PARD6G: variants seen among roughly 807,000 people sequenced by gnomAD.
PARD6G encodes par-6 family cell polarity regulator gamma.
PARD6G carries 7 observed loss-of-function variants against 10.7 expected under a neutral mutation model. The observed-to-expected ratio is 0.66, with a 90% CI of 0.37 to 1.23. The LOEUF is 1.23. Among genes scored for constraint, PARD6G ranks in the 50% most tolerant of loss-of-function variants. The probability of loss-of-function intolerance (pLI) is 0.02; values close to 1 mark genes in which losing one functional copy is unlikely to be tolerated. For synonymous variants in PARD6G, 287 were observed against 269.4 expected (o/e 1.07, Z -0.64); for missense variants, 548 against 571.8 (o/e 0.96, Z 0.42).
intron 1 of PARD6G, among the ~76,000 whole-genome samples, chr18:80,243,972 C>T (rs760457351): frequency 6.6e-5 from 10 of 152,160 alleles, no homozygotes; most frequent in Non-Finnish European, 1.0e-4. Context: ...TTTTCAAGCT[C>T]ATGCGGACGA....
At chr18:80,234,176 C>T (rs1051484676) in intron 1 of PARD6G, among the ~76,000 whole-genome samples, 11 of 152,062 alleles carry the variant, frequency 7.2e-5, no homozygotes, top group Admixed American at 6.6e-4. Context: ...CACAAAGGGC[C>T]CCAGCACAGC....
In PARD6G at chr18:80,160,534, T is replaced by G. The variant is rs1387160214; in HGVS notation, c.368A>C (p.Asp123Ala). The G allele has an allele frequency of 1.3e-6, 2 of 1,507,564 alleles. No homozygotes were observed. Among genetic ancestry groups the G allele is most frequent in the Admixed American group, 4.4e-5 (2 of 45,356 alleles). The allele number at this position is 1,507,564 out of a possible 1,614,324, so 93.4% of individuals were successfully genotyped here. A position where few individuals can be genotyped will look rare whatever the true frequency, so the allele number is the denominator to read the frequency against. The change falls in exon 3 of 3, where the codon GAT becomes GCT. Residue 123 changes from aspartate (D) to alanine (A), a missense_variant. This residue lies in a region of PARD6G where 235 missense variants were observed against 291.9 expected (regional missense o/e 0.81). Transcript: ENST00000353265. ...GTGTGCACGCCGCCGGGGTCCTTCA[T>G]CACGCAGCGCGCCCAGCGCCCGCCT... ...RRRRALGALRDEGPRRRAHLD... is the reference protein window; with the variant it reads ...RRRRALGALRAEGPRRRAHLD...
intron 1 of PARD6G, among the ~76,000 whole-genome samples, chr18:80,221,559 C>T (rs1056456301): frequency 6.6e-6 from 1 of 152,140 alleles, no homozygotes; most frequent in Non-Finnish European, 1.5e-5. Context: ...CTTCTTCATC[C>T]TACATAGAGA....
chr18:80,159,901 C>A lies in PARD6G; in HGVS notation c.1001G>T (p.Arg334Leu). 2.0e-6 allele frequency: 3 copies of A among 1,514,150 alleles called. No homozygotes were observed. Among genetic ancestry groups the A allele is most frequent in the Non-Finnish European group, 2.6e-6 (3 of 1,137,650 alleles). The allele number at this position is 1,514,150 out of a possible 1,614,324, so 93.8% of individuals were successfully genotyped here. A position where few individuals can be genotyped will look rare whatever the true frequency, so the allele number is the denominator to read the frequency against. ...SRVNGAGLAQ[R>L]LQRDLALDGG... ...GTCCAGGGCCAGGTCCCGCTGCAGC[C>A]GCTGCGCCAGGCCCGCGCCATTGAC... The change falls in exon 3 of 3, where the codon CGG becomes CTG. Residue 334 changes from arginine to leucine, a missense_variant. Physicochemically the swap from Arg to Leu is moderately radical, Grantham distance 102. This residue lies in a region of PARD6G where 313 missense variants were observed against 279.9 expected (regional missense o/e 1.12). Transcript: ENST00000353265.
Position 80,231,429 on chromosome 18 carries a change from G to T in PARD6G, c.72+15848C>A, listed in dbSNP as rs1967356388. On this transcript the variant is annotated intron_variant, in intron 1 of 2. Transcript: ENST00000353265. The surrounding 1 kb of genome is among the most constrained non-coding windows in gnomAD (Gnocchi z 4.2). ...AGGAATTAGGCAGTTCTGCATCCGA[G>T]CTGTGCTGCCCACTGGGAGCGGCTG... 6.6e-6 allele frequency among the ~76,000 whole-genome samples: 1 copy of T among 152,180 alleles called. No individual in the cohort carries two copies. Among genetic ancestry groups the T allele is most frequent in the Admixed American group, 6.5e-5 (1 of 15,282 alleles).
At chr18:80,211,520 A>G (rs926538784) in intron 1 of PARD6G, among the ~76,000 whole-genome samples, 1 of 152,258 alleles carries the variant, frequency 6.6e-6, no homozygotes, top group African/African-American at 2.4e-5. Context: ...TAAAAACATT[A>G]CAAATAGAAT....
chr18:80,230,804 C>T (rs1967349890), intron 1 of PARD6G, among the ~76,000 whole-genome samples: 1 of 152,168 alleles, frequency 6.6e-6, no homozygotes, highest in Admixed American at 6.5e-5. Context: ...AAGGGATTTA[C>T]CATACAGGAG....
intron 1 of PARD6G, among the ~76,000 whole-genome samples, chr18:80,242,946 T>C (rs1225428006): frequency 6.6e-6 from 1 of 152,056 alleles, no homozygotes; most frequent in African/African-American, 2.4e-5. Flanking sequence ...TGAATAGATA[T>C]GAAACAGCAT....
In PARD6G at chr18:80,180,897, C is replaced by A. The variant is rs1190527391; in HGVS notation, c.296-20291G>T. ...TGGGGGGAAGCTCCTGGTATCTAGACAGCAGAGGCCGGGGCACCGATAGCT... is the reference window on the plus strand; with the variant it reads ...TGGGGGGAAGCTCCTGGTATCTAGAAAGCAGAGGCCGGGGCACCGATAGCT... On this transcript the variant is annotated intron_variant, in intron 2 of 2. Transcript: ENST00000353265. The surrounding 1 kb of genome is among the most constrained non-coding windows in gnomAD (Gnocchi z 5.6). 2.0e-5 allele frequency among the ~76,000 whole-genome samples: 3 copies of A among 152,178 alleles called. No individual in the cohort carries two copies. Among genetic ancestry groups the A allele is most frequent in the African/African-American group, 7.2e-5 (3 of 41,440 alleles).
chr18:80,192,792 C>T lies in PARD6G; in HGVS notation c.295+9918G>A, dbSNP rs983494083. ...CATTATCTCCTCCTCACAGTCCCCACGCTGTGGGCAGGGACCCTCCTGGCT... is the reference window on the plus strand; with the variant it reads ...CATTATCTCCTCCTCACAGTCCCCATGCTGTGGGCAGGGACCCTCCTGGCT... On this transcript the variant is annotated intron_variant, in intron 2 of 2. Coordinates refer to ENST00000353265, the MANE Select transcript of PARD6G (RefSeq NM_032510.4). This position sits in a 1 kb window ranked among gnomAD's most constrained non-coding sequence, Gnocchi z 4.9. Among the ~76,000 whole-genome samples, 1 of 152,154 alleles carries T rather than the reference C, an allele frequency of 6.6e-6. No individual in the cohort carries two copies. Among genetic ancestry groups the T allele is most frequent in the Non-Finnish European group, 1.5e-5 (1 of 68,030 alleles).
In PARD6G at chr18:80,177,243, C is replaced by CACACACAG. The variant is rs1183342120; in HGVS notation, c.296-16638_296-16637insCTGTGTGT. ...GCACACACACACACACACACACACA[C>CACACACAG]ACAGTACAAATCACAGCCCAAATGG... On this transcript the variant is annotated intron_variant, in intron 2 of 2. Coordinates refer to ENST00000353265, the MANE Select transcript of PARD6G (RefSeq NM_032510.4). 1.3e-4 allele frequency among the ~76,000 whole-genome samples: 19 copies of CACACACAG among 147,432 alleles called. 2 individuals are homozygous for CACACACAG. The East Asian group carries it at 3.9e-3, about 30-fold the overall frequency.
intron 1 of PARD6G, among the ~76,000 whole-genome samples, chr18:80,235,640 C>A (rs549400576): frequency 6.6e-6 from 1 of 152,180 alleles, no homozygotes; most frequent in East Asian, 1.9e-4. Context: ...AGAGAAGAAT[C>A]AAATAGAAGC....
intron 2 of PARD6G, among the ~76,000 whole-genome samples, chr18:80,174,917 C>T (rs562253051): frequency 1.8e-4 from 28 of 152,170 alleles, no homozygotes; most frequent in African/African-American, 6.7e-4. Flanking sequence ...CCACTGCACT[C>T]CAGCCTGGGC....
chr18:80,161,495 C>T lies in PARD6G; in HGVS notation c.296-889G>A, dbSNP rs538767509. Among the ~76,000 whole-genome samples the T allele has an allele frequency of 6.6e-6, 1 of 152,144 alleles. No homozygotes were observed. The highest frequency in any genetic ancestry group is 1.9e-4 in the East Asian group (1 of 5,186). On this transcript the variant is annotated intron_variant, in intron 2 of 2. Transcript: ENST00000353265. The surrounding 1 kb of genome is among the most constrained non-coding windows in gnomAD (Gnocchi z 4.6). ...CAAGCAGAAACGTAAGGAGCTTAGT[C>T]TAAAGTAAAAATTTTAAGTGAAGAG...
intron 1 of PARD6G, among the ~76,000 whole-genome samples, chr18:80,221,063 C>G (rs1967222886): frequency 6.6e-6 from 1 of 152,122 alleles, no homozygotes; most frequent in Admixed American, 6.6e-5. Context: ...ATTGAATTAT[C>G]TCTTGTTTAA....
chr18:80,213,882 C>T lies in PARD6G; in HGVS notation c.73-10950G>A, dbSNP rs999407533. On this transcript the variant is annotated intron_variant, in intron 1 of 2. Transcript: ENST00000353265. ...CTGAGGCAGGAGAATGGCATGAATC[C>T]GGAAGGCAGAGCTTGCAATGAGCCG... 1.5e-4 allele frequency among the ~76,000 whole-genome samples: 21 copies of T among 144,594 alleles called. No individual in the cohort carries two copies. In the East Asian group the frequency reaches 2.9e-3, roughly 20 times the overall value. 94.9% of individuals were successfully genotyped at this position (144,594 alleles called of 152,430 possible).
At chr18:80,234,069 T>C (rs1260680981) in intron 1 of PARD6G, among the ~76,000 whole-genome samples, 1 of 152,150 alleles carries the variant, frequency 6.6e-6, no homozygotes, top group Non-Finnish European at 1.5e-5. Flanking sequence ...CCTGCGGGTG[T>C]CCACAGCTCA....
At chr18:80,195,947 C>A (rs1478912977) in intron 2 of PARD6G, among the ~76,000 whole-genome samples, 3 of 151,356 alleles carry the variant, frequency 2.0e-5, no homozygotes, top group Non-Finnish European at 4.4e-5. Flanking sequence ...TAGAGCCCTG[C>A]AAAAGAGTGG....
chr18:80,233,162 T>G (rs1043082098), intron 1 of PARD6G, among the ~76,000 whole-genome samples: 2 of 152,236 alleles, frequency 1.3e-5, no homozygotes, highest in South Asian at 4.1e-4. Flanking sequence ...CTCCTGTCCA[T>G]GCAGACACAC....
Sources: gnomAD v4.1 joint callset for allele counts (sites outside exome capture counted in the v4.1 genomes callset) on GRCh38, gnomAD v4.1.1 for gene constraint, gnomAD v4.1.1 regional missense constraint, Gnocchi (gnomAD v3.1) non-coding constraint, MANE v1.5 for transcripts, NCBI Gene and HGNC (gene_info 2026-07-23, HGNC 2026-07-21) for gene names.